Variants in FBXL7 observed in about 807,000 individuals in gnomAD.
The protein encoded by FBXL7 is F-box and leucine rich repeat protein 7, also known as F-box/LRR-repeat protein 7.
FBXL7 carries 12 observed loss-of-function variants against 38.3 expected under a neutral mutation model. The observed-to-expected ratio is 0.31, with a 90% CI of 0.20 to 0.51. FBXL7 has a LOEUF of 0.51. Among genes scored for constraint, FBXL7 ranks in the 20% least tolerant of loss-of-function variants. The pLI, the probability that FBXL7 is intolerant of heterozygous loss-of-function variation, is 0.98. For synonymous variants in FBXL7, 297 were observed against 300.9 expected, an observed-to-expected ratio of 0.99 and a Z score of 0.13; for missense variants, 567 against 676.4, an observed-to-expected ratio of 0.84 and a Z score of 1.79.
At chr5:15,776,726 A>G (rs996890178) in intron 2 of FBXL7, among the ~76,000 whole-genome samples, 32 of 152,200 alleles carry the variant, frequency 2.1e-4, no homozygotes, top group Non-Finnish European at 4.0e-4. Context: ...GAGAGAAAAG[A>G]ACCTTAAGTG....
chr5:15,848,722 C>A (rs943648725), intron 2 of FBXL7, among the ~76,000 whole-genome samples: 1 of 152,070 alleles, frequency 6.6e-6, no homozygotes, highest in Non-Finnish European at 1.5e-5. Context: ...AACTTTAAGT[C>A]AAAAGTAAAC....
intron 2 of FBXL7, among the ~76,000 whole-genome samples, chr5:15,714,519 G>A (rs1402310863): frequency 6.7e-6 from 1 of 150,236 alleles, no homozygotes; most frequent in African/African-American, 2.5e-5. Context: ...AATACACAAT[G>A]TACAATATGG....
intron 2 of FBXL7, among the ~76,000 whole-genome samples, chr5:15,816,092 A>T (rs1040703222): frequency 1.3e-5 from 2 of 152,168 alleles, no homozygotes; most frequent in African/African-American, 4.8e-5. Flanking sequence ...TCACTGTTAG[A>T]AAGTACTCCG....
rs1742252554 is a variant in FBXL7, at chr5:15,938,158, T to G, written c.*972T>G. 1 of 152,138 alleles carries G rather than the reference T, an allele frequency of 6.6e-6. No individual in the cohort carries two copies. The highest frequency in any genetic ancestry group is 2.1e-4 in the South Asian group (1 of 4,814). 9.4% of individuals were successfully genotyped at this position (152,138 alleles called of 1,614,324 possible). A position where few individuals can be genotyped will look rare whatever the true frequency, so the allele number is the denominator to read the frequency against. On this transcript the variant is annotated 3_prime_UTR_variant, in exon 4 of 4. Coordinates refer to ENST00000504595, the MANE Select transcript of FBXL7 (RefSeq NM_012304.5). ...GCCAGGCTGGATGCTGTCGTCTCTGTACACAAATACTTTCTGCATTCCCCC... is the reference window on the plus strand; with the variant it reads ...GCCAGGCTGGATGCTGTCGTCTCTGGACACAAATACTTTCTGCATTCCCCC...
chr5:15,845,897 A>C (rs1216601306), intron 2 of FBXL7, among the ~76,000 whole-genome samples: 24 of 152,170 alleles, frequency 1.6e-4, no homozygotes, highest in Non-Finnish European at 8.8e-5. Flanking sequence ...CGTGAACCCC[A>C]GGAGGCGGAG....
chr5:15,789,915 A>G (rs1288166293), intron 2 of FBXL7, among the ~76,000 whole-genome samples: 2 of 152,104 alleles, frequency 1.3e-5, no homozygotes, highest in Non-Finnish European at 2.9e-5. Flanking sequence ...AATGCGTGTG[A>G]CCTGCCTGGG....
chr5:15,677,483 A>C (rs7732417), intron 2 of FBXL7, among the ~76,000 whole-genome samples: 15 of 77,874 alleles, frequency 1.9e-4, no homozygotes, highest in South Asian at 7.4e-4. Context: ...AAAGAGAGAG[A>C]GAGAGAGAAA....
intron 2 of FBXL7, among the ~76,000 whole-genome samples, chr5:15,801,438 G>A (rs1737560647): frequency 6.6e-6 from 1 of 152,128 alleles, no homozygotes; most frequent in African/African-American, 2.4e-5. Flanking sequence ...AAAAGTCATT[G>A]GGTCAAAAGT....
At chr5:15,753,397 C>T (rs550811051) in intron 2 of FBXL7, among the ~76,000 whole-genome samples, 333 of 152,244 alleles carry the variant, frequency 2.2e-3, no homozygotes, top group African/African-American at 7.5e-3. Flanking sequence ...CTTAGCAGAG[C>T]GGTTGATCAT....
intron 1 of FBXL7, among the ~76,000 whole-genome samples, chr5:15,519,402 G>A (rs1737034430): frequency 6.6e-6 from 1 of 151,538 alleles, no homozygotes; most frequent in African/African-American, 2.4e-5. Context: ...CAGTAAACTA[G>A]TGAGTTGGCT....
chr5:15,917,730 G>A (rs1356317056), intron 2 of FBXL7, among the ~76,000 whole-genome samples: 2 of 150,782 alleles, frequency 1.3e-5, no homozygotes, highest in Non-Finnish European at 2.9e-5. Flanking sequence ...CGATGCTAGC[G>A]AAATACTACT....
chr5:15,884,984 C>G (rs990498750), intron 2 of FBXL7, among the ~76,000 whole-genome samples: 2 of 152,176 alleles, frequency 1.3e-5, no homozygotes, highest in Admixed American at 6.5e-5. Context: ...TTACCCCAAA[C>G]TTGGGTGACT....
chr5:15,914,861 TG>T (rs1561186435), intron 2 of FBXL7, among the ~76,000 whole-genome samples: 1 of 152,240 alleles, frequency 6.6e-6, no homozygotes, highest in African/African-American at 2.4e-5. Flanking sequence ...AGGCATCTCC[TG>T]GCCTCGAAGT....
chr5:15,523,063 C>T (rs1737145310), intron 1 of FBXL7, among the ~76,000 whole-genome samples: 1 of 152,228 alleles, frequency 6.6e-6, no homozygotes, highest in South Asian at 2.1e-4. Context: ...ACATTCTCCA[C>T]TACCACATGT....
intron 2 of FBXL7, among the ~76,000 whole-genome samples, chr5:15,649,164 CTT>C (rs749050240): frequency 6.6e-6 from 1 of 151,924 alleles, no homozygotes; most frequent in Non-Finnish European, 1.5e-5. Context: ...ACCCAGCTAA[CTT>C]TTATATTTTT....
intron 3 of FBXL7, among the ~76,000 whole-genome samples, chr5:15,930,599 T>C (rs1561193395): frequency 6.6e-6 from 1 of 152,198 alleles, no homozygotes; most frequent in South Asian, 2.1e-4. Context: ...TGACTAACCA[T>C]TATTAAGCCT....
chr5:15,785,085 G>A (rs952000605), intron 2 of FBXL7, among the ~76,000 whole-genome samples: 15 of 152,138 alleles, frequency 9.9e-5, no homozygotes, highest in African/African-American at 3.4e-4. Flanking sequence ...TAACTAGCAC[G>A]AGACTCTGTG....
At chr5:15,621,851 C>A (rs185830333) in intron 2 of FBXL7, among the ~76,000 whole-genome samples, 1 of 152,256 alleles carries the variant, frequency 6.6e-6, no homozygotes, top group East Asian at 1.9e-4. Flanking sequence ...AATGCAGCCA[C>A]GGGATTTTCA....
chr5:15,708,543 C>G (rs977692146), intron 2 of FBXL7, among the ~76,000 whole-genome samples: 1 of 152,164 alleles, frequency 6.6e-6, no homozygotes, highest in African/African-American at 2.4e-5. Flanking sequence ...ATTGCTGATG[C>G]CAAACACCAC....
Sources: allele counts gnomAD v4.1 joint callset (sites outside exome capture counted in the v4.1 genomes callset), GRCh38; gene constraint gnomAD v4.1.1; transcripts MANE v1.5; gene names NCBI Gene and HGNC (gene_info 2026-07-23, HGNC 2026-07-21).